MAPRE2: variants seen among roughly 807,000 people sequenced by gnomAD.
The protein encoded by MAPRE2 is microtubule associated protein RP/EB family member 2.
In MAPRE2, 13 loss-of-function variants were observed where a neutral mutation model predicts 43.2. The observed-to-expected ratio is 0.30, with a 90% CI of 0.20 to 0.48. MAPRE2 has a LOEUF of 0.48. Among genes scored for constraint, MAPRE2 ranks in the 20% least tolerant of loss-of-function variants. MAPRE2 has a pLI of 0.99. For synonymous variants in MAPRE2, 135 were observed against 148.8 expected (o/e 0.91, Z 0.68); for missense variants, 161 against 400.2 (o/e 0.40, Z 5.10).
intron 1 of MAPRE2, among the ~76,000 whole-genome samples, chr18:34,988,092 T>C (rs563948995): frequency 2.0e-4 from 31 of 152,328 alleles, no homozygotes; most frequent in African/African-American, 6.3e-4. Flanking sequence ...CATTTTATTA[T>C]TGTAACTTAC....
intron 2 of MAPRE2, among the ~76,000 whole-genome samples, chr18:35,091,751 G>C (rs1908160907): frequency 1.3e-5 from 2 of 151,882 alleles, no homozygotes; most frequent in Admixed American, 1.3e-4. Flanking sequence ...AAATACTGAG[G>C]CATCACATCG....
At chr18:35,069,893 A>G (rs1568991689) in intron 1 of MAPRE2, among the ~76,000 whole-genome samples, 2 of 152,214 alleles carry the variant, frequency 1.3e-5, no homozygotes. Context: ...TAACTTTTTA[A>G]TATCACACGT....
intron 2 of MAPRE2, among the ~76,000 whole-genome samples, chr18:35,091,609 C>T (rs530097908): frequency 1.3e-5 from 2 of 152,008 alleles, no homozygotes; most frequent in Admixed American, 6.6e-5. Context: ...ATAGCCAAAG[C>T]GATACTGAAC....
intron 1 of MAPRE2, among the ~76,000 whole-genome samples, chr18:35,048,729 G>A (rs1471246095): frequency 6.7e-6 from 1 of 148,976 alleles, no homozygotes; most frequent in Non-Finnish European, 1.5e-5. Flanking sequence ...TATAGTATAT[G>A]TGTTAATACT....
At chr18:34,997,399 A>G (rs550929341) in intron 1 of MAPRE2, among the ~76,000 whole-genome samples, 1 of 152,320 alleles carries the variant, frequency 6.6e-6, no homozygotes, top group Admixed American at 6.5e-5. Context: ...TTTGAGAAGC[A>G]CAATTAGAGC....
At chr18:35,122,100 T>A (rs1460396320) in intron 4 of MAPRE2, among the ~76,000 whole-genome samples, 2 of 152,192 alleles carry the variant, frequency 1.3e-5, no homozygotes, top group Non-Finnish European at 2.9e-5. Flanking sequence ...TATGTTAGGA[T>A]ATTGTCTTTT....
chr18:35,042,665 T>C (rs1225109467), intron 1 of MAPRE2, among the ~76,000 whole-genome samples: 2 of 152,216 alleles, frequency 1.3e-5, no homozygotes, highest in East Asian at 1.9e-4. Context: ...ACTGGGGTAG[T>C]TATTTTTAAA....
At chr18:35,082,930 A>G (rs751917849) in intron 2 of MAPRE2, among the ~76,000 whole-genome samples, 2 of 152,048 alleles carry the variant, frequency 1.3e-5, no homozygotes, top group Non-Finnish European at 2.9e-5. Flanking sequence ...CTGTTTTTCC[A>G]TGTGTATTTC....
chr18:34,987,022 C>A (rs961428304), intron 1 of MAPRE2, among the ~76,000 whole-genome samples: 1 of 151,996 alleles, frequency 6.6e-6, no homozygotes, highest in African/African-American at 2.4e-5. Flanking sequence ...TAGCTGCCTT[C>A]ACTTACTCAA....
chr18:35,046,706 T>A (rs1168662615), intron 1 of MAPRE2, among the ~76,000 whole-genome samples: 1 of 152,186 alleles, frequency 6.6e-6, no homozygotes, highest in Non-Finnish European at 1.5e-5. Flanking sequence ...GGGTCTAGAA[T>A]CACTAGAAAA....
intron 2 of MAPRE2, among the ~76,000 whole-genome samples, chr18:35,027,996 G>A (rs62095431): frequency 2.9e-4 from 44 of 152,184 alleles, no homozygotes; most frequent in Non-Finnish European, 6.2e-4. Flanking sequence ...CTTCTCACAG[G>A]GCAGCAGACC....
At chr18:35,017,244 G>GTTTTTTTTTTTTTTTTT (rs140257488) in intron 2 of MAPRE2, among the ~76,000 whole-genome samples, 3 of 126,280 alleles carry the variant, frequency 2.4e-5, no homozygotes, top group Non-Finnish European at 4.9e-5. Flanking sequence ...CGGTTTTGTT[G>GTTTTTTTTTTTTTTTTT]TTTTTTTTTT....
In MAPRE2 at chr18:35,126,967, A is replaced by G. The variant is rs1404605694; in HGVS notation, c.630A>G (p.Pro210=). 8 of 1,614,010 alleles carry G rather than the reference A, an allele frequency of 5.0e-6. No individual in the cohort carries two copies. The highest frequency in any genetic ancestry group is 1.7e-5 in the Admixed American group (1 of 59,990). ...TTTCAGGTGCAGCTAAATCAAGTCC[A>G]GCAGCTAAACCAGGATCCACACCTT... is the stretch of plus-strand genomic sequence containing the variant. ...SPTAGAAKSS[P]AAKPGSTPSR... Residue 210 remains proline, a synonymous_variant, in exon 5 of 7, where the codon CCA becomes CCG. Transcript: ENST00000300249.
intron 1 of MAPRE2, among the ~76,000 whole-genome samples, chr18:34,991,332 T>G (rs2097023649): frequency 6.6e-6 from 1 of 152,174 alleles, no homozygotes; most frequent in South Asian, 2.1e-4. Context: ...GTTTCTGTGT[T>G]CGTTCACTGA....
At chr18:35,112,096 C>G (rs962243183) in intron 4 of MAPRE2, among the ~76,000 whole-genome samples, 1 of 152,062 alleles carries the variant, frequency 6.6e-6, no homozygotes, top group Non-Finnish European at 1.5e-5. Context: ...CTTACTAGCC[C>G]CATAATTAGC....
chr18:35,017,885 C>T (rs2097039451), intron 2 of MAPRE2, among the ~76,000 whole-genome samples: 1 of 151,626 alleles, frequency 6.6e-6, no homozygotes, highest in African/African-American at 2.4e-5. Context: ...TGAGAGTGGG[C>T]ATCTTTGTCT....
In MAPRE2 at chr18:34,985,616, TA is replaced by T. The variant is rs1437115101; in HGVS notation, c.-70+8539del. Among the ~76,000 whole-genome samples the T allele has an allele frequency of 2.2e-3, 218 of 101,092 alleles. 1 individual carries two copies. Among genetic ancestry groups the T allele is most frequent in the Non-Finnish European group, 2.5e-3 (136 of 55,148 alleles). The allele number at this position is 101,092 out of a possible 152,430, so 66.3% of individuals were successfully genotyped here. On this transcript the variant is annotated intron_variant, in intron 1 of 7. Coordinates refer to the MAPRE2 transcript ENST00000413393. ...ATATATAACATATGATATATTATAA[TA>T]ATATATAACATATATATTATAATAA...
intron 1 of MAPRE2, among the ~76,000 whole-genome samples, chr18:34,985,323 TATAA>T (rs1441930248): frequency 7.5e-4 from 31 of 41,230 alleles, no homozygotes; most frequent in African/African-American, 1.3e-3. Flanking sequence ...ATATTATATA[TATAA>T]TATAATATAT....
rs148326765 is a variant in MAPRE2, at chr18:35,017,041, C to T, written c.-8+11488C>T. Reference sequence around the variant, plus strand: ...TATGGCTAGCTAGCTATCTCAGTATCATTTATTGAATAGGAAGACCTTTCC... The same window carrying T: ...TATGGCTAGCTAGCTATCTCAGTATTATTTATTGAATAGGAAGACCTTTCC... On this transcript the variant is annotated intron_variant, in intron 2 of 7. Coordinates refer to the MAPRE2 transcript ENST00000413393. Among the ~76,000 whole-genome samples, 400 of 152,010 alleles carry T rather than the reference C, an allele frequency of 2.6e-3. 3 individuals are homozygous for T. Among genetic ancestry groups the T allele is most frequent in the Non-Finnish European group, 3.4e-3 (232 of 67,914 alleles).
Sources: gnomAD v4.1 joint callset for allele counts (sites outside exome capture counted in the v4.1 genomes callset) on GRCh38, gnomAD v4.1.1 for gene constraint, MANE v1.5 for transcripts, NCBI Gene and HGNC (gene_info 2026-07-23, HGNC 2026-07-21) for gene names.